The following CNTN3 variants were observed in gnomAD, a reference collection of about 807,000 sequenced individuals.
The protein encoded by CNTN3 is contactin-3.
Under a neutral mutation model 119.1 loss-of-function variants are expected in CNTN3, and 60 were observed. The observed-to-expected ratio is 0.50, with a 90% CI of 0.41 to 0.62. The LOEUF (loss-of-function observed/expected upper bound fraction) is 0.62. Among genes scored for constraint, CNTN3 ranks in the 20% least tolerant of loss-of-function variants. The pLI, the probability that CNTN3 is intolerant of heterozygous loss-of-function variation, is 0.00. For missense variants in CNTN3, 1,101 were observed against 1,242.4 expected, an observed-to-expected ratio of 0.89 and a Z score of 1.71; for synonymous variants, 450 against 438.7, an observed-to-expected ratio of 1.03 and a Z score of -0.32.
chr3:74,409,635 G>A (rs1475953862), intron 5 of CNTN3, among the ~76,000 whole-genome samples: 1 of 151,958 alleles, frequency 6.6e-6, no homozygotes, highest in Non-Finnish European at 1.5e-5. Context: ...AATTTACCTA[G>A]AAACTATTCT....
chr3:74,455,164 C>G (rs1229762426), intron 4 of CNTN3, among the ~76,000 whole-genome samples: 6 of 152,136 alleles, frequency 3.9e-5, no homozygotes, highest in Admixed American at 3.9e-4. Flanking sequence ...TAGATTTGGT[C>G]TTTTCACATA....
chr3:74,365,283 C>G (rs891752280), intron 9 of CNTN3, among the ~76,000 whole-genome samples: 5 of 152,060 alleles, frequency 3.3e-5, no homozygotes, highest in African/African-American at 1.2e-4. Context: ...AAGGCCTTCT[C>G]TAATTTCAAT....
chr3:74,403,917 C>A (rs1351082008), intron 5 of CNTN3, among the ~76,000 whole-genome samples: 1 of 151,750 alleles, frequency 6.6e-6, no homozygotes. Context: ...TCAGGAAACC[C>A]CTTATCTTGT....
At chr3:74,529,491 A>G (rs59309778) in intron 1 of CNTN3, among the ~76,000 whole-genome samples, 18,680 of 151,934 alleles carry the variant, frequency 0.12, 1,322 homozygotes, top group East Asian at 0.31. Context: ...GTTTTTATAT[A>G]GTTATCAAAA....
At chr3:74,356,174 A>T (rs896678990) in intron 11 of CNTN3, among the ~76,000 whole-genome samples, 1 of 152,086 alleles carries the variant, frequency 6.6e-6, no homozygotes, top group African/African-American at 2.4e-5. Flanking sequence ...CCATCTATGC[A>T]TCAGAGAGTG....
At chr3:74,319,201 T>C (rs2106665328) in intron 13 of CNTN3, among the ~76,000 whole-genome samples, 1 of 152,242 alleles carries the variant, frequency 6.6e-6, no homozygotes, top group Middle Eastern at 3.4e-3. Context: ...AGAGCCGGCG[T>C]CGCCAAGTCA....
intron 4 of CNTN3, among the ~76,000 whole-genome samples, chr3:74,436,690 T>C (rs903969897): frequency 2.6e-5 from 4 of 152,004 alleles, no homozygotes; most frequent in Non-Finnish European, 4.4e-5. Context: ...TCACCCTTCC[T>C]CTCCCCAAAA....
At chr3:74,445,272 G>GT (rs940791342) in intron 4 of CNTN3, among the ~76,000 whole-genome samples, 1 of 150,854 alleles carries the variant, frequency 6.6e-6, no homozygotes, top group Non-Finnish European at 1.5e-5. Flanking sequence ...TTTGTTTTTG[G>GT]TTTTTTTTTA....
chr3:74,494,916 G>A (rs977172162), intron 3 of CNTN3, among the ~76,000 whole-genome samples: 3 of 152,082 alleles, frequency 2.0e-5, no homozygotes, highest in African/African-American at 7.2e-5. Context: ...CACATTGTTT[G>A]AGCACAGAAT....
At chr3:74,281,152 A>C (rs1443985528) in intron 20 of CNTN3, among the ~76,000 whole-genome samples, 1 of 152,014 alleles carries the variant, frequency 6.6e-6, no homozygotes, top group Non-Finnish European at 1.5e-5. Context: ...ATTTACCTGG[A>C]GTGGGATGGG....
intron 5 of CNTN3, among the ~76,000 whole-genome samples, chr3:74,412,532 C>A (rs2106873101): frequency 6.6e-6 from 1 of 152,052 alleles, no homozygotes; most frequent in East Asian, 1.9e-4. Context: ...ATAAACCATC[C>A]CCTTGACTGT....
chr3:74,603,317 C>T (rs1014132870), intron 1 of CNTN3, among the ~76,000 whole-genome samples: 4 of 152,076 alleles, frequency 2.6e-5, no homozygotes, highest in South Asian at 2.1e-4. Flanking sequence ...GCTGATATTC[C>T]AGTCAGGTGG....
chr3:74,518,380 A>G (rs1703486408), intron 2 of CNTN3, among the ~76,000 whole-genome samples: 1 of 151,978 alleles, frequency 6.6e-6, no homozygotes, highest in Admixed American at 6.6e-5. Flanking sequence ...TTTTCTGTAA[A>G]AACATGGAGG....
intron 13 of CNTN3, among the ~76,000 whole-genome samples, chr3:74,323,267 C>T (rs1219967145): frequency 2.6e-5 from 4 of 152,064 alleles, no homozygotes; most frequent in African/African-American, 4.8e-5. Flanking sequence ...ACTTTCTGTA[C>T]TTTCAGTTCA....
chr3:74,479,348 T>C (rs1702720429), intron 4 of CNTN3, among the ~76,000 whole-genome samples: 1 of 152,002 alleles, frequency 6.6e-6, no homozygotes. Context: ...AATAGAAAAC[T>C]AGGGGCAAAG....
chr3:74,302,724 G>A lies in CNTN3; in HGVS notation c.1752C>T (p.Asp584=), dbSNP rs1384360347. Residue 584 remains aspartate (D), a synonymous_variant, in exon 14 of 23, where the codon GAC becomes GAT. Coordinates refer to ENST00000263665, the MANE Select transcript of CNTN3 (RefSeq NM_020872.3). Reference sequence around the variant, plus strand: ...TGAGGTCAGCAGCAGATGAAACACTGTCCACCCCCGTTTGCACCATACAAA... The same window carrying A: ...TGAGGTCAGCAGCAGATGAAACACTATCCACCCCCGTTTGCACCATACAAA... ...KYVCMVQTGV[D]SVSSAADLIV... The A allele has an allele frequency of 6.2e-7, 1 of 1,612,824 alleles. No individual in the cohort carries two copies. Among genetic ancestry groups the A allele is most frequent in the African/African-American group, 1.3e-5 (1 of 74,856 alleles).
chr3:74,339,873 T>A (rs1703488907), intron 11 of CNTN3, among the ~76,000 whole-genome samples: 1 of 150,354 alleles, frequency 6.7e-6, no homozygotes. Flanking sequence ...CACACATATA[T>A]GTGTGAACTA....
chr3:74,570,177 T>C (rs1021188839), intron 1 of CNTN3, among the ~76,000 whole-genome samples: 3 of 151,960 alleles, frequency 2.0e-5, no homozygotes, highest in Non-Finnish European at 4.4e-5. Context: ...CATGGAGTTC[T>C]ACCCATACCC....
intron 1 of CNTN3, among the ~76,000 whole-genome samples, chr3:74,560,507 G>T (rs1448632116): frequency 6.6e-6 from 1 of 152,086 alleles, no homozygotes; most frequent in East Asian, 1.9e-4. Context: ...CATATTTATA[G>T]AAATTTAGAA....
Sources: allele counts gnomAD v4.1 joint callset (sites outside exome capture counted in the v4.1 genomes callset), GRCh38; gene constraint gnomAD v4.1.1; transcripts MANE v1.5; gene names NCBI Gene and HGNC (gene_info 2026-07-23, HGNC 2026-07-21).